ZNF581: variants seen among roughly 807,000 people sequenced by gnomAD.
ZNF581 encodes zinc finger protein 581.
ZNF581 carries 1 observed loss-of-function variant against 1.2 expected under a neutral mutation model. The observed-to-expected ratio is 0.83, with a 90% CI of 0.30 to 3.95. ZNF581 has a LOEUF of 3.95. ZNF581 is among the 30% of genes most tolerant of loss of function. The pLI is 0.18. For missense variants in ZNF581, 273 were observed against 274.6 expected (o/e 0.99, Z 0.04); for synonymous variants, 105 against 109.2 (o/e 0.96, Z 0.24).
chr19:55,641,030 T>TCGCACCCC (rs1319950472), upstream of ZNF581: 4 of 984,864 alleles, frequency 4.1e-6, no homozygotes, highest in Non-Finnish European at 3.6e-6. Flanking sequence ...CGCCAACCCC[T>TCGCACCCC]CGCACCCCCG....
Position 55,645,310 on chromosome 19 carries a change from C to T in ZNF581, c.*145C>T. On this transcript the variant is annotated 3_prime_UTR_variant, in exon 2 of 2. Transcript: ENST00000270451. The stretch of plus-strand genomic sequence containing the variant: ...CCGCATCTCAAAGGCAGAGCCCTGC[C>T]TGAAGGAGGAATCCGTGAGTAATCT... The T allele has an allele frequency of 4.6e-6, 3 of 646,200 alleles. No individual in the cohort carries two copies. The highest frequency in any genetic ancestry group is 7.4e-6 in the Non-Finnish European group (3 of 405,402). 40.0% of individuals were successfully genotyped at this position (646,200 alleles called of 1,614,324 possible). A position where few individuals can be genotyped will look rare whatever the true frequency, so the allele number is the denominator to read the frequency against.
upstream of ZNF581, chr19:55,640,600 G>C (rs1982395119): frequency 1.0e-6 from 1 of 985,324 alleles, no homozygotes; most frequent in Admixed American, 6.1e-5. Flanking sequence ...GCTGGGTGGA[G>C]AATCACGGCC....
upstream of ZNF581, among the ~76,000 whole-genome samples, chr19:55,639,070 G>A (rs1243622382): frequency 6.6e-6 from 1 of 151,760 alleles, no homozygotes; most frequent in African/African-American, 2.4e-5. Flanking sequence ...ACTATATCAG[G>A]GATCTTGGCA....
upstream of ZNF581, chr19:55,640,757 C>G (rs1244937211): frequency 1.0e-6 from 1 of 985,396 alleles, no homozygotes; most frequent in Non-Finnish European, 1.2e-6. Context: ...AGGACAAACC[C>G]TTGTGGGCCT....
upstream of ZNF581, chr19:55,635,024 G>A (rs1982015792): frequency 6.6e-6 from 1 of 152,132 alleles, no homozygotes; most frequent in South Asian, 2.1e-4. Context: ...TTCCGGACGT[G>A]AAAGTTTGCT....
upstream of ZNF581, chr19:55,640,679 T>C (rs1982400917): frequency 1.0e-6 from 1 of 985,216 alleles, no homozygotes; most frequent in South Asian, 4.7e-5. Context: ...GGCAGGAACA[T>C]CCCTTCTCCC....
At chr19:55,635,738 G>A in intron 1 of ZNF581, 2 of 988,088 alleles carry the variant, frequency 2.0e-6, no homozygotes, top group African/African-American at 3.5e-5. Flanking sequence ...GGGTGGGAAA[G>A]GTGGCTGAGG....
upstream of ZNF581, chr19:55,640,129 C>T: frequency 1.0e-6 from 1 of 985,486 alleles, no homozygotes. Flanking sequence ...CTCTCAGCTG[C>T]ACCTGCAGAT....
chr19:55,643,031 C>T (rs879170477), upstream of ZNF581: 19 of 1,358,712 alleles, frequency 1.4e-5, no homozygotes, highest in South Asian at 3.5e-4. Flanking sequence ...CCACTAAGCT[C>T]GAGACCCGGC....
chr19:55,645,027 C>T lies in ZNF581; in HGVS notation c.456C>T (p.Arg152=), dbSNP rs937629529. ...CCCACGGCTGCCCGCTCTGCCCTCG[C>T]CGCTTCCGGGATGCGGGTGAGCTGG... The part of the protein sequence containing the change: ...GRPHGCPLCP[R]RFRDAGELAQ... Residue 152 remains arginine (R), a synonymous_variant, in exon 2 of 2, where the codon CGC becomes CGT. Transcript: ENST00000270451. 6.3e-7 allele frequency: 1 copy of T among 1,591,148 alleles called. No homozygotes were observed.
upstream of ZNF581, among the ~76,000 whole-genome samples, chr19:55,641,361 T>G (rs1378673978): frequency 4.0e-5 from 6 of 151,390 alleles, no homozygotes; most frequent in African/African-American, 1.2e-4. Flanking sequence ...GTGAAGGCAA[T>G]AGGAGGGGCC....
In ZNF581 at chr19:55,644,766, G is replaced by A. The variant is rs891921637; in HGVS notation, c.195G>A (p.Val65=). 5.0e-6 allele frequency: 8 copies of A among 1,614,042 alleles called. No homozygotes were observed. Among genetic ancestry groups the A allele is most frequent in the Non-Finnish European group, 6.8e-6 (8 of 1,179,924 alleles). Residue 65 remains valine, a synonymous_variant, in exon 2 of 2, where the codon GTG becomes GTA. Transcript: ENST00000270451. The surrounding 1 kb of genome is among the most constrained non-coding windows in gnomAD (Gnocchi z 4.3). Reference sequence around the variant, plus strand: ...ACACTCAGGGTGTCCCCTACACAGTGCTGGTGGACGAGGAGTCACAGAGGG... The same window carrying A: ...ACACTCAGGGTGTCCCCTACACAGTACTGGTGGACGAGGAGTCACAGAGGG... ...LIDTQGVPYT[V]LVDEESQREP... is the part of the protein sequence containing the mutation.
rs1359840264 is a variant in ZNF581, at chr19:55,643,704, C to G, written c.-90C>G. 1 of 152,516 alleles carries G rather than the reference C, an allele frequency of 6.6e-6. No individual in the cohort carries two copies. Among genetic ancestry groups the G allele is most frequent in the Admixed American group, 6.5e-5 (1 of 15,278 alleles). The allele number at this position is 152,516 out of a possible 1,614,324, so 9.4% of individuals were successfully genotyped here. A position where few individuals can be genotyped will look rare whatever the true frequency, so the allele number is the denominator to read the frequency against. ...GCACACCCAGAGGTCCCCTTCTCGC[C>G]GCCGCCTGCAACTGCGAGGGTAGCC... On this transcript the variant is annotated 5_prime_UTR_variant, in exon 1 of 2. Transcript: ENST00000270451.
chr19:55,640,860 CG>C, upstream of ZNF581: 2 of 985,420 alleles, frequency 2.0e-6, no homozygotes, highest in Non-Finnish European at 2.4e-6. Context: ...GGGAGGGGAG[CG>C]GGGCCGCCGG....
chr19:55,640,285 T>G (rs986704149), upstream of ZNF581: 3 of 985,368 alleles, frequency 3.0e-6, no homozygotes, highest in Admixed American at 1.2e-4. Context: ...GTCCTTCGCA[T>G]GCGCAGCCAG....
Position 55,645,458 on chromosome 19 carries a change from G to T in ZNF581, c.*293G>T, listed in dbSNP as rs1600051745. The stretch of plus-strand genomic sequence containing the variant: ...TGACTGGATGGAGGTGGGGAGTGTG[G>T]TGTGTAAAGTCTCTGGCCTCATAAA... On this transcript the variant is annotated 3_prime_UTR_variant, in exon 2 of 2. Coordinates refer to ENST00000270451, the MANE Select transcript of ZNF581 (RefSeq NM_016535.4). The T allele has an allele frequency of 9.3e-6, 3 of 321,154 alleles. No homozygotes were observed. The highest frequency in any genetic ancestry group is 1.8e-5 in the Non-Finnish European group (3 of 166,164). 19.9% of individuals were successfully genotyped at this position (321,154 alleles called of 1,614,324 possible).
At chr19:55,640,910 C>G, upstream of ZNF581, 1 of 985,418 alleles carries the variant, frequency 1.0e-6, no homozygotes, top group Non-Finnish European at 1.2e-6. Flanking sequence ...CTCCGGTCCC[C>G]TCCCCGCAGG....
At chr19:55,637,557 A>T (rs539738425), upstream of ZNF581, among the ~76,000 whole-genome samples, 1 of 152,106 alleles carries the variant, frequency 6.6e-6, no homozygotes, top group East Asian at 1.9e-4. Flanking sequence ...CAGCAACAAA[A>T]AAAACGAGAG....
chr19:55,638,632 C>T (rs558934489), upstream of ZNF581, among the ~76,000 whole-genome samples: 2 of 152,082 alleles, frequency 1.3e-5, no homozygotes, highest in African/African-American at 4.8e-5. Flanking sequence ...AGGATCCACC[C>T]CCATGATCCA....
Sources: gnomAD v4.1 joint callset for allele counts (sites outside exome capture counted in the v4.1 genomes callset) on GRCh38, gnomAD v4.1.1 for gene constraint, Gnocchi (gnomAD v3.1) non-coding constraint, MANE v1.5 for transcripts, NCBI Gene and HGNC (gene_info 2026-07-23, HGNC 2026-07-21) for gene names.